The following CRK variants were observed in gnomAD, a reference collection of about 807,000 sequenced individuals.
CRK encodes adapter molecule crk.
CRK carries 4 observed loss-of-function variants against 29.8 expected under a neutral mutation model. The observed-to-expected ratio is 0.13, with a 90% CI of 0.07 to 0.31. The LOEUF (loss-of-function observed/expected upper bound fraction) is 0.31, where lower values mean the gene tolerates loss of function less well. Ranked by LOEUF, CRK falls within the 10% of genes least tolerant of loss-of-function variation. The probability of loss-of-function intolerance (pLI) is 1.00; values close to 1 mark genes in which losing one functional copy is unlikely to be tolerated. For missense variants in CRK, 274 were observed against 396.5 expected (o/e 0.69, Z 2.62); for synonymous variants, 153 against 164.9 (o/e 0.93, Z 0.55).
chr17:1,455,851 G>T, intron 1 of CRK, 26 bp downstream of exon 1: 1 of 1,518,914 alleles, frequency 6.6e-7, no homozygotes, highest in Non-Finnish European at 8.8e-7. Flanking sequence ...CCCCGCCCAG[G>T]GCCCGCCGTC....
chr17:1,443,124 G>A (rs1350132893), intron 1 of CRK, among the ~76,000 whole-genome samples: 1 of 151,366 alleles, frequency 6.6e-6, no homozygotes, highest in African/African-American at 2.4e-5. Context: ...GATTACAGGC[G>A]GCCACCACGA....
intron 1 of CRK, among the ~76,000 whole-genome samples, chr17:1,437,712 G>C (rs1300102670): frequency 3.3e-5 from 5 of 151,032 alleles, no homozygotes; most frequent in African/African-American, 1.2e-4. Context: ...GGAGTGTAGT[G>C]GCGTGATCTC....
chr17:1,428,852 T>C (rs559743998), intron 2 of CRK, among the ~76,000 whole-genome samples: 3 of 146,722 alleles, frequency 2.0e-5, no homozygotes, highest in Non-Finnish European at 4.5e-5. Context: ...AGATTCTCTC[T>C]CTTTTTTTTT....
At chr17:1,452,045 G>C (rs1270386946) in intron 1 of CRK, among the ~76,000 whole-genome samples, 1 of 152,132 alleles carries the variant, frequency 6.6e-6, no homozygotes, top group Admixed American at 6.6e-5. Flanking sequence ...GCAAAGTATT[G>C]AGGATATTGA....
intron 2 of CRK, among the ~76,000 whole-genome samples, chr17:1,434,446 G>A (rs2073872073): frequency 6.6e-6 from 1 of 152,124 alleles, no homozygotes; most frequent in African/African-American, 2.4e-5. Flanking sequence ...TTGATGAGCG[G>A]TGACCACACA....
chr17:1,442,470 G>C (rs1436552304), intron 1 of CRK, among the ~76,000 whole-genome samples: 7 of 151,922 alleles, frequency 4.6e-5, no homozygotes, highest in African/African-American at 1.7e-4. Flanking sequence ...ATGTGAGCCA[G>C]TGCCGTACTG....
chr17:1,453,608 A>T (rs770571285), intron 1 of CRK, among the ~76,000 whole-genome samples: 5 of 152,220 alleles, frequency 3.3e-5, no homozygotes, highest in African/African-American at 4.8e-5. Flanking sequence ...ACTCATTTTT[A>T]AAAAATGGTT....
intron 1 of CRK, among the ~76,000 whole-genome samples, chr17:1,447,931 T>A (rs976188443): frequency 6.6e-6 from 1 of 152,226 alleles, no homozygotes. Flanking sequence ...TTTCCCTTTT[T>A]TCCTCAATTC....
chr17:1,429,138 G>A (rs1045373267), intron 2 of CRK, among the ~76,000 whole-genome samples: 8 of 150,984 alleles, frequency 5.3e-5, no homozygotes, highest in African/African-American at 1.5e-4. Flanking sequence ...GTGAGCCACC[G>A]TGCCCAGCCA....
intron 1 of CRK, among the ~76,000 whole-genome samples, chr17:1,451,878 G>C (rs903263186): frequency 6.6e-6 from 1 of 152,040 alleles, no homozygotes; most frequent in African/African-American, 2.4e-5. Flanking sequence ...CCAGCTACTC[G>C]GGAGGCTGAG....
At chr17:1,450,066 G>A (rs1305886757) in intron 1 of CRK, among the ~76,000 whole-genome samples, 1 of 152,068 alleles carries the variant, frequency 6.6e-6, no homozygotes, top group African/African-American at 2.4e-5. Context: ...GCTGGGAGTG[G>A]TGGCGCATGC....
intron 2 of CRK, among the ~76,000 whole-genome samples, chr17:1,432,696 G>A (rs537808215): frequency 6.6e-6 from 1 of 150,594 alleles, no homozygotes; most frequent in African/African-American, 2.4e-5. Flanking sequence ...AGAATGGCAT[G>A]AGCCCAGGAG....
intron 2 of CRK, among the ~76,000 whole-genome samples, chr17:1,435,070 CT>C (rs34591881): frequency 6.6e-6 from 1 of 151,708 alleles, no homozygotes; most frequent in South Asian, 2.1e-4. Flanking sequence ...TTTTCTTTTT[CT>C]TTTTTTGAGA....
At chr17:1,442,661 G>C (rs993056943) in intron 1 of CRK, among the ~76,000 whole-genome samples, 1 of 147,130 alleles carries the variant, frequency 6.8e-6, no homozygotes, top group Admixed American at 6.9e-5. Context: ...AAGCTGGAGT[G>C]CAGTGGCTGG....
intron 1 of CRK, among the ~76,000 whole-genome samples, chr17:1,446,535 G>C (rs936160438): frequency 6.6e-6 from 1 of 151,104 alleles, no homozygotes; most frequent in Non-Finnish European, 1.5e-5. Flanking sequence ...TAGGAAGCAG[G>C]TTTAATTCTC....
chr17:1,430,576 A>G (rs578016057), intron 2 of CRK, among the ~76,000 whole-genome samples: 233 of 141,088 alleles, frequency 1.7e-3, no homozygotes, highest in South Asian at 4.6e-3. Context: ...AGTATTAGCC[A>G]GGATGGTCTC....
At chr17:1,435,986 T>C (rs1418891246) in intron 2 of CRK, among the ~76,000 whole-genome samples, 2 of 152,174 alleles carry the variant, frequency 1.3e-5, no homozygotes, top group African/African-American at 2.4e-5. Flanking sequence ...GGAAGTGGGC[T>C]GCCAAAGATA....
intron 1 of CRK, among the ~76,000 whole-genome samples, chr17:1,439,637 TCAG>T (rs776358417): frequency 1.5e-4 from 23 of 150,788 alleles, no homozygotes; most frequent in Non-Finnish European, 2.7e-4. Context: ...TCCCTGGAGC[TCAG>T]GAGTTCAAGA....
At position 1,423,627 on chromosome 17, in the gene CRK, C is replaced by T. The variant is rs1363339648; in HGVS notation, c.801G>A (p.Thr267=). The change falls in exon 3 of 3, where the codon ACG becomes ACA. Residue 267 remains threonine (T), a synonymous_variant. Coordinates refer to ENST00000300574, the MANE Select transcript of CRK (RefSeq NM_016823.4). ...ALEVGELVKV[T]KINVSGQWEG... ...CCCACTGACCACTCACATTAATCTTCGTAACCTTTACCAGCTCACCGACCT... is the reference window on the plus strand; with the variant it reads ...CCCACTGACCACTCACATTAATCTTTGTAACCTTTACCAGCTCACCGACCT... 3 of 1,614,112 alleles carry T rather than the reference C, an allele frequency of 1.9e-6. No homozygotes were observed.
Sources: gnomAD v4.1 joint callset for allele counts (sites outside exome capture counted in the v4.1 genomes callset) on GRCh38, gnomAD v4.1.1 for gene constraint, MANE v1.5 for transcripts, NCBI Gene and HGNC (gene_info 2026-07-23, HGNC 2026-07-21) for gene names.